ALCAM: variants seen among roughly 807,000 people sequenced by gnomAD.
ALCAM encodes the protein activated leukocyte cell adhesion molecule, also known as CD166 antigen.
In ALCAM, 30 loss-of-function variants were observed where a neutral mutation model predicts 70.9. The observed-to-expected ratio is 0.42, with a 90% CI of 0.32 to 0.57. ALCAM has a LOEUF of 0.57. Ranked by LOEUF, ALCAM falls within the 20% of genes least tolerant of loss-of-function variation. ALCAM has a pLI of 0.11. For synonymous variants in ALCAM, 249 were observed against 242.5 expected (o/e 1.03, Z -0.25); for missense variants, 591 against 695.1 (o/e 0.85, Z 1.68).
chr3:105,490,446 GTTCT>G (rs1296896942), intron 1 of ALCAM, among the ~76,000 whole-genome samples: 3 of 152,200 alleles, frequency 2.0e-5, no homozygotes, highest in East Asian at 3.9e-4. Flanking sequence ...TAAAAGTATT[GTTCT>G]TTCTTTCTTA....
chr3:105,454,352 G>T (rs1321730997), intron 1 of ALCAM, among the ~76,000 whole-genome samples: 1 of 152,084 alleles, frequency 6.6e-6, no homozygotes, highest in African/African-American at 2.4e-5. Flanking sequence ...TAATTTCTTG[G>T]CATGAAGTAC....
At chr3:105,437,048 A>C (rs1434808495) in intron 1 of ALCAM, among the ~76,000 whole-genome samples, 1 of 152,170 alleles carries the variant, frequency 6.6e-6, no homozygotes, top group Non-Finnish European at 1.5e-5. Context: ...ACAGACAAAA[A>C]ATTCTTGTGT....
At chr3:105,474,759 T>G (rs1938052744) in intron 1 of ALCAM, among the ~76,000 whole-genome samples, 1 of 151,768 alleles carries the variant, frequency 6.6e-6, no homozygotes, top group African/African-American at 2.4e-5. Flanking sequence ...ACTATAATTT[T>G]AAATTTAAAT....
intron 1 of ALCAM, among the ~76,000 whole-genome samples, chr3:105,484,227 A>T (rs1938358226): frequency 1.3e-5 from 2 of 151,190 alleles, no homozygotes; most frequent in Non-Finnish European, 3.0e-5. Context: ...GTTACAAAGT[A>T]ACTACTACCA....
At chr3:105,388,119 T>C (rs1935704369) in intron 1 of ALCAM, among the ~76,000 whole-genome samples, 1 of 151,588 alleles carries the variant, frequency 6.6e-6, no homozygotes, top group Non-Finnish European at 1.5e-5. Context: ...GACAAGGAAG[T>C]ACAACCTCTC....
chr3:105,567,822 T>C (rs986992411), intron 14 of ALCAM, among the ~76,000 whole-genome samples: 1 of 152,086 alleles, frequency 6.6e-6, no homozygotes, highest in African/African-American at 2.4e-5. Context: ...TCAGTGTATG[T>C]ATTGTAACTT....
chr3:105,562,211 C>T, intron 14 of ALCAM, among the ~76,000 whole-genome samples: 2 of 152,286 alleles, frequency 1.3e-5, no homozygotes, highest in Admixed American at 1.3e-4. Context: ...TCATAAAATT[C>T]CAACTGTTTA....
chr3:105,541,031 A>G (rs73854324), intron 7 of ALCAM, among the ~76,000 whole-genome samples: 16,724 of 151,990 alleles, frequency 0.11, 1,438 homozygotes, highest in African/African-American at 0.24. Context: ...AGTTTTAGCA[A>G]TAATACCTGC....
At chr3:105,435,386 GA>G (rs1201178500) in intron 1 of ALCAM, among the ~76,000 whole-genome samples, 1 of 152,168 alleles carries the variant, frequency 6.6e-6, no homozygotes, top group Non-Finnish European at 1.5e-5. Context: ...TAAATAAAAG[GA>G]GGACACAAAC....
chr3:105,518,427 CA>C (rs1251227127), intron 1 of ALCAM, among the ~76,000 whole-genome samples: 1 of 152,086 alleles, frequency 6.6e-6, no homozygotes, highest in Non-Finnish European at 1.5e-5. Flanking sequence ...ACTTAATACA[CA>C]CAGCAGAAAT....
At chr3:105,388,890 G>A (rs977758645) in intron 1 of ALCAM, among the ~76,000 whole-genome samples, 1 of 151,540 alleles carries the variant, frequency 6.6e-6, no homozygotes, top group Admixed American at 6.6e-5. Flanking sequence ...GAATGAGTAT[G>A]TTAAGGCTTT....
At chr3:105,453,122 G>A (rs1372154969) in intron 1 of ALCAM, among the ~76,000 whole-genome samples, 6 of 152,094 alleles carry the variant, frequency 3.9e-5, no homozygotes, top group Non-Finnish European at 8.8e-5. Flanking sequence ...ATTACTTTTA[G>A]CATTTTTGTC....
Position 105,563,401 on chromosome 3 carries a change from G to T in ALCAM, c.1665-8451G>T, listed in dbSNP as rs1004731144. On this transcript the variant is annotated intron_variant, in intron 14 of 15. Coordinates refer to ENST00000306107, the MANE Select transcript of ALCAM (RefSeq NM_001627.4). ...TTTATCTCTATTGCTTATTTTTTAT[G>T]ATTTTGCTCTTATCATTACTACTTT... 5.3e-5 allele frequency among the ~76,000 whole-genome samples: 8 copies of T among 150,074 alleles called. 1 individual carries two copies. Among genetic ancestry groups the T allele is most frequent in the Non-Finnish European group, 1.2e-4 (8 of 67,532 alleles).
At position 105,571,837 on chromosome 3, in the gene ALCAM, T is replaced by A. The variant is rs1206738371; in HGVS notation, c.1665-15T>A. The A allele has an allele frequency of 4.5e-6, 7 of 1,568,178 alleles. No individual in the cohort carries two copies. The highest frequency in any genetic ancestry group is 6.1e-6 in the Non-Finnish European group (7 of 1,145,682). ...TATGTGTCAATATGATGAAGTTTAT[T>A]TAATTCTCTTACAGGACTGCATCAA... On this transcript the variant is annotated splice_polypyrimidine_tract_variant and intron_variant, in intron 14 of 15. Coordinates refer to ENST00000306107, the MANE Select transcript of ALCAM (RefSeq NM_001627.4).
chr3:105,442,641 C>T (rs1384732371), intron 1 of ALCAM, among the ~76,000 whole-genome samples: 2 of 151,758 alleles, frequency 1.3e-5, no homozygotes, highest in East Asian at 3.9e-4. Flanking sequence ...ATTAGGCGGG[C>T]GTGGTGGCGG....
At chr3:105,509,838 A>G (rs1939188077) in intron 1 of ALCAM, among the ~76,000 whole-genome samples, 1 of 152,130 alleles carries the variant, frequency 6.6e-6, no homozygotes, top group Non-Finnish European at 1.5e-5. Context: ...GCATTCTTCT[A>G]AAAGCTTTAA....
intron 1 of ALCAM, among the ~76,000 whole-genome samples, chr3:105,481,442 A>AACTT (rs1407529169): frequency 3.3e-5 from 5 of 152,142 alleles, no homozygotes; most frequent in African/African-American, 9.7e-5. Context: ...TTATTTTTTA[A>AACTT]ACTTCTGTTT....
intron 1 of ALCAM, among the ~76,000 whole-genome samples, chr3:105,495,760 A>G (rs1445969472): frequency 6.6e-6 from 1 of 152,244 alleles, no homozygotes; most frequent in Non-Finnish European, 1.5e-5. Flanking sequence ...TGATTAAAGA[A>G]GAACAGGTTG....
At chr3:105,433,546 G>T (rs1936984285) in intron 1 of ALCAM, among the ~76,000 whole-genome samples, 1 of 152,000 alleles carries the variant, frequency 6.6e-6, no homozygotes, top group African/African-American at 2.4e-5. Context: ...TTTAAATTTT[G>T]TAATGGATAT....
Sources: gnomAD v4.1 joint callset for allele counts (sites outside exome capture counted in the v4.1 genomes callset) on GRCh38, gnomAD v4.1.1 for gene constraint, MANE v1.5 for transcripts, NCBI Gene and HGNC (gene_info 2026-07-23, HGNC 2026-07-21) for gene names.